The following ENTREP2 variants were observed in gnomAD, a reference collection of about 807,000 sequenced individuals.
ENTREP2 encodes the protein protein ENTREP2.
chr15:29,568,104 C>A, the ENTREP2 span, among the ~76,000 whole-genome samples: 1 of 152,222 alleles, frequency 6.6e-6, no homozygotes, highest in Admixed American at 6.5e-5. Flanking sequence ...ACAGCAGGAA[C>A]CAATCATCAT....
chr15:29,365,304 G>A, the ENTREP2 span, among the ~76,000 whole-genome samples: 1 of 149,606 alleles, frequency 6.7e-6, no homozygotes, highest in Non-Finnish European at 1.5e-5. Flanking sequence ...CCAGGCTGGA[G>A]TGCAGTTGTG....
At chr15:29,194,429 T>C in the ENTREP2 span, among the ~76,000 whole-genome samples, 1 of 152,216 alleles carries the variant, frequency 6.6e-6, no homozygotes, top group Non-Finnish European at 1.5e-5. Flanking sequence ...TATCTCTAAG[T>C]AGGCTTTGTA....
At chr15:29,275,777 T>C in the ENTREP2 span, among the ~76,000 whole-genome samples, 2 of 152,228 alleles carry the variant, frequency 1.3e-5, no homozygotes, top group Admixed American at 1.3e-4. Flanking sequence ...AGAAAAAGGC[T>C]TTAATTTTTC....
At chr15:29,208,343 T>G in the ENTREP2 span, among the ~76,000 whole-genome samples, 2 of 152,146 alleles carry the variant, frequency 1.3e-5, no homozygotes, top group East Asian at 3.9e-4. Context: ...CATAAAGACA[T>G]TGTAAAATGT....
chr15:29,518,096 A>G, the ENTREP2 span, among the ~76,000 whole-genome samples: 1 of 152,162 alleles, frequency 6.6e-6, no homozygotes, highest in Non-Finnish European at 1.5e-5. Flanking sequence ...ACATGCCTGT[A>G]GCAGGGAGAC....
the ENTREP2 span, among the ~76,000 whole-genome samples, chr15:29,371,136 G>A: frequency 1.3e-5 from 2 of 152,038 alleles, no homozygotes; most frequent in African/African-American, 4.8e-5. Flanking sequence ...GGGGAAGAAA[G>A]AGACAAATGG....
At chr15:29,419,685 C>T in the ENTREP2 span, among the ~76,000 whole-genome samples, 1 of 152,110 alleles carries the variant, frequency 6.6e-6, no homozygotes, top group African/African-American at 2.4e-5. Context: ...ATCTTAAAAG[C>T]AGCAAAGGAG....
chr15:29,455,497 G>A, the ENTREP2 span, among the ~76,000 whole-genome samples: 1 of 152,206 alleles, frequency 6.6e-6, no homozygotes, highest in Non-Finnish European at 1.5e-5. Flanking sequence ...TTTCTTAACA[G>A]TATATTTATG....
chr15:29,161,078 C>T, the ENTREP2 span, among the ~76,000 whole-genome samples: 108 of 152,308 alleles, frequency 7.1e-4, no homozygotes, highest in African/African-American at 2.3e-3. Context: ...ATGGACCTGA[C>T]GTTCCGTGCA....
the ENTREP2 span, among the ~76,000 whole-genome samples, chr15:29,254,242 A>C: frequency 2.7e-5 from 4 of 150,588 alleles, no homozygotes; most frequent in Admixed American, 6.7e-5. Context: ...CTGCCTTTCA[A>C]TGTCTTTATG....
At chr15:29,335,002 G>C in the ENTREP2 span, among the ~76,000 whole-genome samples, 1 of 152,138 alleles carries the variant, frequency 6.6e-6, no homozygotes, top group Non-Finnish European at 1.5e-5. Context: ...AGAAGACCCA[G>C]GGAACCCAGC....
the ENTREP2 span, chr15:29,137,093 G>A: frequency 3.4e-6 from 5 of 1,464,944 alleles, no homozygotes; most frequent in Admixed American, 3.3e-5. Context: ...GTGGAGGCGG[G>A]AGTGGGGGGA....
chr15:29,463,108 A>G, the ENTREP2 span, among the ~76,000 whole-genome samples: 719 of 152,226 alleles, frequency 4.7e-3, 7 homozygotes, highest in African/African-American at 0.015. Flanking sequence ...TGGCAGGTAC[A>G]TGGAGGGGGA....
chr15:29,197,717 G>C, the ENTREP2 span, among the ~76,000 whole-genome samples: 1 of 150,092 alleles, frequency 6.7e-6, no homozygotes, highest in African/African-American at 2.5e-5. Flanking sequence ...AGTGAGCTGA[G>C]ATCATGCCAT....
At chr15:29,303,747 T>C in the ENTREP2 span, among the ~76,000 whole-genome samples, 2 of 152,170 alleles carry the variant, frequency 1.3e-5, no homozygotes, top group Admixed American at 6.5e-5. Flanking sequence ...CATGTGGTAT[T>C]TGGTTTTCTG....
the ENTREP2 span, among the ~76,000 whole-genome samples, chr15:29,290,404 A>G: frequency 6.6e-6 from 1 of 152,084 alleles, no homozygotes; most frequent in Non-Finnish European, 1.5e-5. Flanking sequence ...GCCCTTTCCC[A>G]TGACTCTATA....
chr15:29,433,154 C>T, the ENTREP2 span, among the ~76,000 whole-genome samples: 1 of 152,174 alleles, frequency 6.6e-6, no homozygotes, highest in African/African-American at 2.4e-5. Context: ...CTGGACCCAG[C>T]CCCAGCACTG....
the ENTREP2 span, among the ~76,000 whole-genome samples, chr15:29,350,994 G>A: frequency 6.6e-6 from 1 of 152,088 alleles, no homozygotes; most frequent in Non-Finnish European, 1.5e-5. Flanking sequence ...TTTCATAAGA[G>A]ATAAGAGAAC....
chr15:29,521,231 TACAGAG>T, the ENTREP2 span, among the ~76,000 whole-genome samples: 1 of 152,202 alleles, frequency 6.6e-6, no homozygotes, highest in Admixed American at 6.5e-5. Flanking sequence ...AATCCTGATG[TACAGAG>T]TTAGTGTAAT....
Sources: allele counts gnomAD v4.1 joint callset (sites outside exome capture counted in the v4.1 genomes callset), GRCh38; gene constraint gnomAD v4.1.1; transcripts MANE v1.5; gene names NCBI Gene and HGNC (gene_info 2026-07-23, HGNC 2026-07-21).